GABRA1: variants seen among roughly 807,000 people sequenced by gnomAD.
GABRA1 encodes gamma-aminobutyric acid type A receptor subunit alpha1, also known as gamma-aminobutyric acid receptor subunit alpha-1.
In GABRA1, 9 loss-of-function variants were observed where a neutral mutation model predicts 48.9. The observed-to-expected ratio is 0.18, with a 90% CI of 0.11 to 0.32. GABRA1 has a LOEUF of 0.32. Ranked by LOEUF, GABRA1 falls within the 10% of genes least tolerant of loss-of-function variation. The pLI is 1.00. For synonymous variants in GABRA1, 210 were observed against 198.7 expected (o/e 1.06, Z -0.48); for missense variants, 285 against 553.8 (o/e 0.51, Z 4.87).
intron 8 of GABRA1, among the ~76,000 whole-genome samples, chr5:161,893,682 A>G (rs564077789): frequency 7.9e-5 from 12 of 152,300 alleles, no homozygotes; most frequent in African/African-American, 2.9e-4. Flanking sequence ...TGCCAAATAC[A>G]TCCAAGTTTG....
intron 7 of GABRA1, among the ~76,000 whole-genome samples, chr5:161,886,384 T>C (rs1253216212): frequency 6.6e-6 from 1 of 151,920 alleles, no homozygotes; most frequent in East Asian, 1.9e-4. Flanking sequence ...TCATGAGCTA[T>C]TGTGAGATGG....
chr5:161,894,165 C>A (rs1276261692), intron 8 of GABRA1, among the ~76,000 whole-genome samples: 3 of 152,122 alleles, frequency 2.0e-5, no homozygotes, highest in Non-Finnish European at 4.4e-5. Context: ...CATTGCATTA[C>A]CTTACTTAAT....
intron 4 of GABRA1, among the ~76,000 whole-genome samples, chr5:161,867,394 T>C (rs1386151841): frequency 6.6e-6 from 1 of 152,162 alleles, no homozygotes; most frequent in Non-Finnish European, 1.5e-5. Context: ...CTATTTGTTT[T>C]AGTCCTGCTT....
intron 8 of GABRA1, among the ~76,000 whole-genome samples, chr5:161,895,258 A>T (rs542421701): frequency 2.6e-5 from 4 of 152,282 alleles, no homozygotes; most frequent in African/African-American, 9.6e-5. Flanking sequence ...TACATAGAAT[A>T]TTAAACAGAG....
intron 7 of GABRA1, among the ~76,000 whole-genome samples, chr5:161,883,880 A>AT (rs369516921): frequency 1.1e-4 from 17 of 149,666 alleles, no homozygotes; most frequent in Admixed American, 4.7e-4. Flanking sequence ...TATGTGTTTT[A>AT]TTTTTTTTTT....
intron 7 of GABRA1, among the ~76,000 whole-genome samples, chr5:161,889,611 C>T (rs554032425): frequency 3.3e-5 from 5 of 152,074 alleles, no homozygotes; most frequent in South Asian, 2.1e-4. Context: ...TTGAAATATT[C>T]GAAGAGACAA....
intron 6 of GABRA1, among the ~76,000 whole-genome samples, chr5:161,876,469 C>T (rs1267904691): frequency 1.2e-4 from 18 of 152,120 alleles, no homozygotes; most frequent in Admixed American, 1.2e-3. Context: ...TCTGTTCTCA[C>T]TAGACAGGCA....
intron 3 of GABRA1, among the ~76,000 whole-genome samples, chr5:161,864,574 C>A (rs891421516): frequency 2.6e-5 from 4 of 151,562 alleles, no homozygotes; most frequent in African/African-American, 9.7e-5. Flanking sequence ...GGTGAATCAC[C>A]TTTTTTATGT....
Position 161,875,544 on chromosome 5 carries a change from C to G in GABRA1, c.477-16C>G, listed in dbSNP as rs1554085819. On this transcript the variant is annotated splice_polypyrimidine_tract_variant and intron_variant, in intron 5 of 9. Transcript: ENST00000393943. ...AATCTATATGGCTCTTGTTTGTATT[C>G]TATGTTTCCCTTAAGGCTGACAGTG... 2.5e-6 allele frequency: 4 copies of G among 1,604,116 alleles called. No individual in the cohort carries two copies. The highest frequency in any genetic ancestry group is 1.3e-5 in the African/African-American group (1 of 74,754).
intron 3 of GABRA1, among the ~76,000 whole-genome samples, chr5:161,859,131 A>C (rs962975687): frequency 1.3e-5 from 2 of 151,482 alleles, no homozygotes; most frequent in Non-Finnish European, 3.0e-5. Flanking sequence ...TTTTGTTTTC[A>C]TTTATAGAGT....
intron 7 of GABRA1, 51 bp from the exon 8 acceptor site, chr5:161,890,847 C>A (rs1025325295): frequency 1.3e-6 from 2 of 1,561,152 alleles, no homozygotes; most frequent in Non-Finnish European, 1.8e-6. Flanking sequence ...TCAGAGATTA[C>A]CTTTTTCTAA....
intron 8 of GABRA1, among the ~76,000 whole-genome samples, chr5:161,891,820 C>G (rs936145340): frequency 6.6e-6 from 1 of 152,122 alleles, no homozygotes; most frequent in Non-Finnish European, 1.5e-5. Flanking sequence ...GAACTGAACA[C>G]AAATCACCAC....
chr5:161,853,439 A>G (rs1757527960), intron 2 of GABRA1, among the ~76,000 whole-genome samples: 1 of 151,904 alleles, frequency 6.6e-6, no homozygotes, highest in Admixed American at 6.6e-5. Flanking sequence ...CTTAAACAAA[A>G]CACTAAAACT....
intron 1 of GABRA1, among the ~76,000 whole-genome samples, chr5:161,849,547 C>A (rs1757356275): frequency 1.3e-5 from 2 of 152,024 alleles, no homozygotes; most frequent in Non-Finnish European, 2.9e-5. Context: ...TGCTTACAAG[C>A]CTGTTTGTAA....
intron 8 of GABRA1, among the ~76,000 whole-genome samples, chr5:161,895,377 C>G (rs1009838998): frequency 6.6e-6 from 1 of 152,086 alleles, no homozygotes; most frequent in Non-Finnish European, 1.5e-5. Context: ...ACCCAGGACA[C>G]CCATGTTCAA....
intron 3 of GABRA1, 119 bp from the exon 4 acceptor site, chr5:161,865,602 A>G: frequency 2.4e-6 from 2 of 840,324 alleles, no homozygotes; most frequent in East Asian, 4.9e-5. Flanking sequence ...ACAGTGGACC[A>G]ATTTTAGAAA....
Position 161,882,552 on chromosome 5 carries a change from T to C in GABRA1, c.560-6T>C. On this transcript the variant is annotated splice_region_variant and splice_polypyrimidine_tract_variant and intron_variant, in intron 6 of 9. Transcript: ENST00000393943. ...ATATGGATCATTTTCTACTGTTTCC[T>C]TTTAGATGCTTATACAAGAGCAGAA... The C allele has an allele frequency of 6.2e-7, 1 of 1,612,666 alleles. No homozygotes were observed. Among genetic ancestry groups the C allele is most frequent in the East Asian group, 2.2e-5 (1 of 44,828 alleles).
rs1426443472 is a variant in GABRA1 at position 161,887,705 on chromosome 5, A to G, written c.704-3193A>G. Among the ~76,000 whole-genome samples, 4 of 152,158 alleles carry G rather than the reference A, an allele frequency of 2.6e-5. No homozygotes were observed. In the East Asian group the frequency reaches 7.7e-4, roughly 29 times the overall value. ...AAAATGACAGCTTCACAAGGAATCA[A>G]TGTTCAATACAATTTTGTTGAATGA... On this transcript the variant is annotated intron_variant, in intron 7 of 9. Coordinates refer to ENST00000393943, the MANE Select transcript of GABRA1 (RefSeq NM_001127644.2).
intron 9 of GABRA1, among the ~76,000 whole-genome samples, chr5:161,896,543 A>C (rs1755376359): frequency 1.3e-5 from 2 of 152,200 alleles, no homozygotes; most frequent in African/African-American, 4.8e-5. Context: ...GTGGGGTTTG[A>C]AGAACAAGCG....
Sources: allele counts gnomAD v4.1 joint callset (sites outside exome capture counted in the v4.1 genomes callset), GRCh38; gene constraint gnomAD v4.1.1; transcripts MANE v1.5; gene names NCBI Gene and HGNC (gene_info 2026-07-23, HGNC 2026-07-21).